TNKS: variants seen among roughly 807,000 people sequenced by gnomAD.
The protein encoded by TNKS is tankyrase.
Under a neutral mutation model 135.8 loss-of-function variants are expected in TNKS, and 72 were observed. The observed-to-expected ratio is 0.53, with a 90% CI of 0.44 to 0.64. The LOEUF is 0.64. Among genes scored for constraint, TNKS ranks in the 30% least tolerant of loss-of-function variants. TNKS has a pLI of 0.00. For missense variants in TNKS, 1,769 were observed against 1,674.0 expected (o/e 1.06, Z -0.99); for synonymous variants, 849 against 649.3 (o/e 1.31, Z -4.68).
intron 3 of TNKS, among the ~76,000 whole-genome samples, chr8:9,625,439 A>G (rs1051935093): frequency 1.1e-4 from 16 of 148,636 alleles, no homozygotes. Context: ...TTTTGGGCTC[A>G]TTTTGCTCTT....
chr8:9,739,061 A>G (rs1354506363), intron 17 of TNKS, among the ~76,000 whole-genome samples: 61 of 150,638 alleles, frequency 4.0e-4, no homozygotes, highest in Middle Eastern at 3.4e-3. Context: ...AATGGGATCT[A>G]ATTAAACTAA....
At chr8:9,605,145 CA>C (rs1563110940) in intron 2 of TNKS, among the ~76,000 whole-genome samples, 1 of 151,982 alleles carries the variant, frequency 6.6e-6, no homozygotes, top group Non-Finnish European at 1.5e-5. Flanking sequence ...TTGTTTACTC[CA>C]AAAAGTTGTC....
At chr8:9,612,992 G>A (rs1585230755) in intron 2 of TNKS, among the ~76,000 whole-genome samples, 2 of 152,070 alleles carry the variant, frequency 1.3e-5, no homozygotes, top group African/African-American at 2.4e-5. Flanking sequence ...CATCCTCATC[G>A]TCTTCCCATT....
At position 9,751,632 on chromosome 8, in the gene TNKS, G is replaced by A; in HGVS notation, c.2856G>A (p.Leu952=). The A allele has an allele frequency of 2.5e-6, 4 of 1,614,134 alleles. No individual in the cohort carries two copies. Among genetic ancestry groups the A allele is most frequent in the Middle Eastern group, 1.6e-4 (1 of 6,062 alleles). Residue 952 remains leucine (L), a synonymous_variant, in exon 19 of 27, where the codon CTG becomes CTA. Transcript: ENST00000310430. The part of the protein sequence containing the change: ...LATADDIRAL[L]IDAMPPEALP... ...AGGCTGACGATATCAGAGCTTTGCT[G>A]ATAGATGCCATGCCCCCAGAGGCCT...
rs763470149 is a variant in TNKS at position 9,556,526 on chromosome 8, C to A, written c.587C>A (p.Ser196Tyr). The A allele has an allele frequency of 1.2e-6, 2 of 1,614,136 alleles. No individual in the cohort carries two copies. The highest frequency in any genetic ancestry group is 1.7e-6 in the Non-Finnish European group (2 of 1,180,030). The change falls in exon 1 of 27, where the codon TCC (serine) becomes TAC (tyrosine). Residue 196 changes from serine to tyrosine, a missense_variant. This residue lies in a region of TNKS where 450 missense variants were observed against 304.9 expected (regional missense o/e 1.48). Transcript: ENST00000310430. ...GAGGCCTGTCGCAATGGGGACGTGT[C>A]CCGGGTAAAGAGGCTGGTGGACGCG... The part of the protein sequence containing the change: ...LLEACRNGDV[S>Y]RVKRLVDAAN...
rs1403774546 is a variant in TNKS, at chr8:9,556,445, C to T, written c.506C>T (p.Ala169Val). 1.9e-6 allele frequency: 3 copies of T among 1,614,162 alleles called. No homozygotes were observed. The Admixed American group carries it at 5.0e-5, about 27-fold the overall frequency. ...AGCACAGCACCACTGGGGCCTGGGGCAGCAGGACCTGGGACAGGGGTCCCA... is the reference window on the plus strand; with the variant it reads ...AGCACAGCACCACTGGGGCCTGGGGTAGCAGGACCTGGGACAGGGGTCCCA... ...VSSTAPLGPG[A>V]AGPGTGVPAV... Residue 169 changes from alanine to valine, a missense_variant, in exon 1 of 27, where the codon GCA (alanine) becomes GTA (valine). Physicochemically the swap from Ala to Val is moderately conservative, Grantham distance 64. Around this residue, in one of 5 missense-constraint regions of TNKS, gnomAD observed 450 missense variants for 304.9 expected, o/e 1.48. Coordinates refer to ENST00000310430, the MANE Select transcript of TNKS (RefSeq NM_003747.3).
chr8:9,657,689 C>T (rs1801465287), intron 3 of TNKS, among the ~76,000 whole-genome samples: 1 of 90,178 alleles, frequency 1.1e-5, no homozygotes, highest in African/African-American at 4.4e-5. Context: ...GGGTGGCTGG[C>T]CGGGCTGAGG....
chr8:9,755,292 C>T (rs577989070), intron 20 of TNKS, among the ~76,000 whole-genome samples: 1 of 152,140 alleles, frequency 6.6e-6, no homozygotes, highest in Non-Finnish European at 1.5e-5. Context: ...CTGGTTTCAT[C>T]AGTTTCATTG....
intron 5 of TNKS, among the ~76,000 whole-genome samples, chr8:9,686,422 G>T (rs1439036797): frequency 6.6e-6 from 1 of 152,182 alleles, no homozygotes; most frequent in Non-Finnish European, 1.5e-5. Flanking sequence ...ATACCACATA[G>T]AGCTGAAGAC....
chr8:9,754,009 GTC>G (rs1461476692), intron 20 of TNKS, among the ~76,000 whole-genome samples: 2 of 152,174 alleles, frequency 1.3e-5, no homozygotes, highest in East Asian at 3.9e-4. Flanking sequence ...TGCTACTCCA[GTC>G]TCTGCATCCA....
intron 9 of TNKS, 50 bp from the exon 10 acceptor site, chr8:9,709,905 C>A (rs750849338): frequency 1.4e-6 from 2 of 1,402,122 alleles, no homozygotes; most frequent in South Asian, 1.2e-5. Context: ...CCAAGAGCTA[C>A]TGTACATATG....
At chr8:9,575,028 TG>T (rs1290284506) in intron 1 of TNKS, 19 of 985,278 alleles carry the variant, frequency 1.9e-5, no homozygotes, top group Non-Finnish European at 2.2e-5. Context: ...TAAACTGCTA[TG>T]TGTGCCTGGA....
intron 11 of TNKS, among the ~76,000 whole-genome samples, chr8:9,720,102 C>G (rs28532623): frequency 6.6e-6 from 1 of 151,840 alleles, no homozygotes; most frequent in African/African-American, 2.4e-5. Context: ...GTCTAGTCGT[C>G]GAAGGGAGTA....
In TNKS at chr8:9,693,232, T is replaced by G. The variant is rs534235070; in HGVS notation, c.1108-11431T>G. ...GTACAGCCACACAATGGAAATACTG[T>G]ACAGCTCTTACAAAGAATAAGACAG... On this transcript the variant is annotated intron_variant, in intron 5 of 26. Coordinates refer to ENST00000310430, the MANE Select transcript of TNKS (RefSeq NM_003747.3). Among the ~76,000 whole-genome samples, 3 of 152,312 alleles carry G rather than the reference T, an allele frequency of 2.0e-5. No individual in the cohort carries two copies. The East Asian group carries it at 5.8e-4, about 29-fold the overall frequency.
intron 1 of TNKS, among the ~76,000 whole-genome samples, chr8:9,561,709 A>G (rs1042528308): frequency 2.0e-5 from 3 of 152,146 alleles, no homozygotes; most frequent in Non-Finnish European, 4.4e-5. Context: ...CTCTTGGGCA[A>G]ATACCTAGTA....
At chr8:9,731,224 C>T (rs1412325646) in intron 14 of TNKS, among the ~76,000 whole-genome samples, 189 bp downstream of exon 14, 4 of 152,212 alleles carry the variant, frequency 2.6e-5, no homozygotes, top group South Asian at 2.1e-4. Flanking sequence ...CTTTGGGAGG[C>T]GAAGGCGGGC....
intron 3 of TNKS, among the ~76,000 whole-genome samples, chr8:9,670,449 C>G (rs977230453): frequency 3.3e-5 from 5 of 152,130 alleles, no homozygotes; most frequent in African/African-American, 1.2e-4. Context: ...ATTTTCTTAT[C>G]TGAATATATT....
At chr8:9,560,493 C>CTCTTTTTTTTT (rs1797281030) in intron 1 of TNKS, among the ~76,000 whole-genome samples, 13 of 42,286 alleles carry the variant, frequency 3.1e-4, no homozygotes, top group African/African-American at 1.4e-3. Flanking sequence ...CCATACTTGT[C>CTCTTTTTTTTT]TTTTTTTTTT....
intron 2 of TNKS, among the ~76,000 whole-genome samples, chr8:9,596,907 A>T (rs768198201): frequency 6.6e-6 from 1 of 152,238 alleles, no homozygotes; most frequent in East Asian, 1.9e-4. Flanking sequence ...TCTCACTGTC[A>T]TAGGTATTTT....
Sources: gnomAD v4.1 joint callset for allele counts (sites outside exome capture counted in the v4.1 genomes callset) on GRCh38, gnomAD v4.1.1 for gene constraint, gnomAD v4.1.1 regional missense constraint, MANE v1.5 for transcripts, NCBI Gene and HGNC (gene_info 2026-07-23, HGNC 2026-07-21) for gene names.